RTN4: variants seen among roughly 807,000 people sequenced by gnomAD.
The protein encoded by RTN4 is reticulon 4.
RTN4 carries 32 observed loss-of-function variants against 90.4 expected under a neutral mutation model. The observed-to-expected ratio is 0.35, with a 90% confidence interval of 0.27 to 0.48. RTN4 has a LOEUF of 0.48. RTN4 is among the 20% of genes least tolerant of loss of function. RTN4 has a pLI of 0.99. For synonymous variants in RTN4, 629 were observed against 552.5 expected, an observed-to-expected ratio of 1.14 and a Z score of -1.94; for missense variants, 1,706 against 1,430.2, an observed-to-expected ratio of 1.19 and a Z score of -3.11.
chr2:55,066,004 G>A (rs555171759), intron 2 of RTN4, among the ~76,000 whole-genome samples: 2 of 152,150 alleles, frequency 1.3e-5, no homozygotes, highest in East Asian at 3.8e-4. Flanking sequence ...TGGATGTCAT[G>A]CTTCAATAAT....
chr2:55,111,345 A>G (rs1573524399), intron 1 of RTN4, among the ~76,000 whole-genome samples: 1 of 152,340 alleles, frequency 6.6e-6, no homozygotes, highest in Middle Eastern at 3.4e-3. Context: ...TCTTAGGCCC[A>G]AATAGATGGT....
At chr2:54,984,218 C>A (rs890461117) in intron 4 of RTN4, among the ~76,000 whole-genome samples, 3 of 152,086 alleles carry the variant, frequency 2.0e-5, no homozygotes, top group African/African-American at 7.2e-5. Flanking sequence ...TCTAACAATG[C>A]TTTCTTTTGT....
intron 1 of RTN4, among the ~76,000 whole-genome samples, chr2:55,110,931 C>G (rs535430488): frequency 6.6e-6 from 1 of 152,220 alleles, no homozygotes; most frequent in South Asian, 2.1e-4. Flanking sequence ...ATCCCAGCTA[C>G]TTGGGAAGCT....
chr2:55,009,943 G>A (rs1680510395), intron 3 of RTN4: 2 of 839,916 alleles, frequency 2.4e-6, no homozygotes, highest in East Asian at 2.6e-5. Context: ...AAAAACACGT[G>A]AGATAGCCGT....
At chr2:55,012,302 C>A (rs916998575) in intron 3 of RTN4, among the ~76,000 whole-genome samples, 1 of 152,044 alleles carries the variant, frequency 6.6e-6, no homozygotes, top group Non-Finnish European at 1.5e-5. Flanking sequence ...TTAATAGCAC[C>A]CCTGACAGAT....
intron 3 of RTN4, among the ~76,000 whole-genome samples, chr2:55,014,699 T>G (rs757407818): frequency 2.6e-5 from 4 of 152,086 alleles, no homozygotes; most frequent in Admixed American, 6.5e-5. Context: ...GTATTTTTAG[T>G]AGAGACGAGG....
chr2:55,056,190 T>C (rs1294766485), intron 2 of RTN4, among the ~76,000 whole-genome samples: 5 of 152,124 alleles, frequency 3.3e-5, no homozygotes, highest in Non-Finnish European at 1.5e-5. Context: ...TCTCAAGCAG[T>C]CCCCTTCTGT....
At chr2:54,982,970 T>C (rs140269304) in intron 4 of RTN4, among the ~76,000 whole-genome samples, 343 of 152,228 alleles carry the variant, frequency 2.3e-3, no homozygotes, top group African/African-American at 7.7e-3. Context: ...TCCTCATTTA[T>C]AAAGTGGAGA....
chr2:55,059,285 C>T (rs1386373568), intron 2 of RTN4, among the ~76,000 whole-genome samples: 1 of 143,314 alleles, frequency 7.0e-6, no homozygotes, highest in Non-Finnish European at 1.5e-5. Context: ...ATCCCAAGGA[C>T]AAAATCTATG....
At chr2:55,041,890 A>C (rs1214340555) in intron 1 of RTN4, among the ~76,000 whole-genome samples, 1 of 152,062 alleles carries the variant, frequency 6.6e-6, no homozygotes, top group Non-Finnish European at 1.5e-5. Context: ...ACTACATAAA[A>C]ATTTCTAAAC....
the RTN4 span, among the ~76,000 whole-genome samples, chr2:55,129,364 A>G: frequency 1.3e-5 from 2 of 152,090 alleles, no homozygotes; most frequent in Non-Finnish European, 2.9e-5. Context: ...ACTTGAGCCC[A>G]GGAGTTCGTG....
chr2:55,032,580 A>G (rs1448922639), intron 1 of RTN4, among the ~76,000 whole-genome samples: 1 of 152,224 alleles, frequency 6.6e-6, no homozygotes, highest in South Asian at 2.1e-4. Context: ...ATACAGAAAA[A>G]AAGATTTATT....
intron 1 of RTN4, among the ~76,000 whole-genome samples, chr2:55,034,376 C>A (rs940570553): frequency 2.0e-5 from 3 of 152,012 alleles, no homozygotes; most frequent in Admixed American, 6.6e-5. Context: ...GTAGCGTGTG[C>A]CTATAGTCCC....
chr2:55,118,992 T>G, the RTN4 span, among the ~76,000 whole-genome samples: 2 of 152,180 alleles, frequency 1.3e-5, no homozygotes, highest in Non-Finnish European at 2.9e-5. Flanking sequence ...GATTTGTGTG[T>G]GAAGAAGGCA....
At chr2:55,052,608 G>A (rs192225776), upstream of RTN4, among the ~76,000 whole-genome samples, 22 of 152,178 alleles carry the variant, frequency 1.4e-4, no homozygotes, top group Non-Finnish European at 2.4e-4. Flanking sequence ...ATTTTGGGGC[G>A]GGAAGTTAAT....
At chr2:55,114,857 T>C (rs140568103), upstream of RTN4, among the ~76,000 whole-genome samples, 349 of 152,142 alleles carry the variant, frequency 2.3e-3, 1 homozygote, top group African/African-American at 8.0e-3. Context: ...CCACCCCCAT[T>C]CATCTCCCCT....
At chr2:54,991,120 T>C (rs1331614736) in intron 3 of RTN4, among the ~76,000 whole-genome samples, 1 of 152,180 alleles carries the variant, frequency 6.6e-6, no homozygotes, top group African/African-American at 2.4e-5. Context: ...TGCTCCTTTA[T>C]AAAAGTGGTT....
At chr2:55,068,302 A>T (rs1468071135) in intron 2 of RTN4, among the ~76,000 whole-genome samples, 1 of 152,176 alleles carries the variant, frequency 6.6e-6, no homozygotes, top group African/African-American at 2.4e-5. Context: ...TCTTTCACCC[A>T]TGCATCATCT....
chr2:55,131,811 G>T, the RTN4 span, among the ~76,000 whole-genome samples: 2 of 152,124 alleles, frequency 1.3e-5, no homozygotes, highest in East Asian at 1.9e-4. Context: ...TTGAACCCAG[G>T]AGGCGGAGGT....
Sources: allele counts gnomAD v4.1 joint callset (sites outside exome capture counted in the v4.1 genomes callset), GRCh38; gene constraint gnomAD v4.1.1; transcripts MANE v1.5; gene names NCBI Gene and HGNC (gene_info 2026-07-23, HGNC 2026-07-21).